The following SPTLC1 variants were observed in gnomAD, a reference collection of about 807,000 sequenced individuals.
The protein encoded by SPTLC1 is serine palmitoyltransferase 1.
Under a neutral mutation model 68.9 loss-of-function variants are expected in SPTLC1, and 55 were observed. That is an observed-to-expected ratio of 0.80 (90% CI 0.64 to 1.00). The LOEUF (loss-of-function observed/expected upper bound fraction) is 1.00, where lower values mean the gene tolerates loss of function less well. SPTLC1 is among the 50% of genes least tolerant of loss of function. SPTLC1 has a pLI of 0.00. For missense variants in SPTLC1, 449 were observed against 573.1 expected (o/e 0.78, Z 2.21); for synonymous variants, 197 against 201.6 (o/e 0.98, Z 0.19).
chr9:92,115,187 A>C, intron 1 of SPTLC1, 127 bp downstream of exon 1: 1 of 856,258 alleles, frequency 1.2e-6, no homozygotes, highest in Non-Finnish European at 1.9e-6. Context: ...TCCTTCCAGC[A>C]AGAGGCACCG....
intron 3 of SPTLC1, among the ~76,000 whole-genome samples, chr9:92,083,770 C>G (rs2118702115): frequency 6.6e-6 from 1 of 152,178 alleles, no homozygotes; most frequent in East Asian, 1.9e-4. Context: ...TTTTCCAATT[C>G]TGTGAAGAAA....
intron 13 of SPTLC1, 138 bp downstream of exon 13, chr9:92,038,110 C>A: frequency 1.3e-6 from 1 of 752,578 alleles, no homozygotes; most frequent in East Asian, 2.5e-5. Context: ...ATGTCAAGAG[C>A]GGGTCACCAG....
intron 3 of SPTLC1, among the ~76,000 whole-genome samples, chr9:92,100,645 G>A (rs1001948929): frequency 2.0e-5 from 3 of 151,922 alleles, no homozygotes; most frequent in African/African-American, 7.3e-5. Flanking sequence ...GTTTCCAGGG[G>A]AGTCCCATCT....
Position 92,105,351 on chromosome 9 carries a change from T to A in SPTLC1, c.260+3389A>T. ...CAGCAGGGCAACATGCGTAAGAACA[T>A]GAGGTTGTTAAGTAGAACATCAAAA... On this transcript the variant is annotated intron_variant, in intron 3 of 14. Coordinates refer to ENST00000262554, the MANE Select transcript of SPTLC1 (RefSeq NM_006415.4). 5.9e-6 allele frequency: 9 copies of A among 1,520,224 alleles called. No individual in the cohort carries two copies. In the South Asian group the frequency reaches 8.4e-5, roughly 14 times the overall value. 94.2% of individuals were successfully genotyped at this position (1,520,224 alleles called of 1,614,324 possible).
At chr9:92,095,011 A>G (rs1835481695) in intron 3 of SPTLC1, among the ~76,000 whole-genome samples, 1 of 152,254 alleles carries the variant, frequency 6.6e-6, no homozygotes, top group Admixed American at 6.5e-5. Flanking sequence ...GAAAAACAGT[A>G]TGTGTCTTAG....
In SPTLC1 at chr9:92,053,891, A is replaced by G. The variant is rs138507591; in HGVS notation, c.780+1514T>C. On this transcript the variant is annotated intron_variant, in intron 8 of 14. Coordinates refer to ENST00000262554, the MANE Select transcript of SPTLC1 (RefSeq NM_006415.4). The stretch of plus-strand genomic sequence containing the variant: ...TAAATGTCACTGTCCTGTACAATTT[A>G]AATTGGTTAATTTTGTGTTATGTGA... The G allele has an allele frequency of 3.1e-3, 2,713 of 876,068 alleles. 3 individuals carry two copies. Among genetic ancestry groups the G allele is most frequent in the Admixed American group, 4.1e-3 (67 of 16,164 alleles). 54.3% of individuals were successfully genotyped at this position (876,068 alleles called of 1,614,324 possible). A position where few individuals can be genotyped will look rare whatever the true frequency, so the allele number is the denominator to read the frequency against.
At chr9:92,111,135 A>T (rs899125617) in intron 2 of SPTLC1, 1 of 152,160 alleles carries the variant, frequency 6.6e-6, no homozygotes, top group Admixed American at 6.5e-5. Flanking sequence ...TATGGAAAAA[A>T]ACTCCGTATT....
intron 13 of SPTLC1, among the ~76,000 whole-genome samples, chr9:92,037,541 C>T (rs1330555212): frequency 6.6e-6 from 1 of 152,174 alleles, no homozygotes; most frequent in South Asian, 2.1e-4. Flanking sequence ...TATTCCGCTG[C>T]TCTTCCTCCC....
intron 3 of SPTLC1, among the ~76,000 whole-genome samples, chr9:92,088,488 C>T (rs1183782357): frequency 6.6e-6 from 1 of 152,166 alleles, no homozygotes; most frequent in Non-Finnish European, 1.5e-5. Context: ...CTCAAGGTTT[C>T]CTTAAGTTTC....
At chr9:92,045,309 T>TATA (rs1320414068) in intron 12 of SPTLC1, among the ~76,000 whole-genome samples, 2 of 150,062 alleles carry the variant, frequency 1.3e-5, no homozygotes, top group African/African-American at 4.9e-5. Context: ...TCACTTTATA[T>TATA]AAGACCAGAA....
chr9:92,104,243 G>C (rs1356712440), intron 3 of SPTLC1, among the ~76,000 whole-genome samples: 4 of 152,184 alleles, frequency 2.6e-5, no homozygotes, highest in African/African-American at 4.8e-5. Flanking sequence ...TTCCACCGCA[G>C]GTCCTGGCCA....
intron 2 of SPTLC1, chr9:92,111,417 C>A (rs924992769): frequency 2.0e-5 from 3 of 152,156 alleles, no homozygotes; most frequent in Admixed American, 2.0e-4. Context: ...AACTATTAAA[C>A]TTCTGATCTA....
At chr9:92,061,312 T>C (rs1475839237) in intron 6 of SPTLC1, among the ~76,000 whole-genome samples, 1 of 152,178 alleles carries the variant, frequency 6.6e-6, no homozygotes, top group Non-Finnish European at 1.5e-5. Flanking sequence ...AGATTTTTCA[T>C]CAGAAACCAG....
At chr9:92,091,553 A>G (rs537893453) in intron 3 of SPTLC1, among the ~76,000 whole-genome samples, 1 of 152,356 alleles carries the variant, frequency 6.6e-6, no homozygotes, top group Admixed American at 6.5e-5. Flanking sequence ...TTTTAAATAT[A>G]TATGTGCAAT....
At position 92,080,049 on chromosome 9, in the gene SPTLC1, TC is replaced by T; in HGVS notation, c.393del (p.Thr132LeufsTer25). 6.2e-7 allele frequency: 1 copy of T among 1,614,030 alleles called. No individual in the cohort carries two copies. Among genetic ancestry groups the T allele is most frequent in the Non-Finnish European group, 8.5e-7 (1 of 1,179,962 alleles). On this transcript the variant is annotated frameshift_variant, in exon 5 of 15. Coordinates refer to ENST00000262554, the MANE Select transcript of SPTLC1 (RefSeq NM_006415.4). LOFTEE classifies it high-confidence loss of function. ...CCATAAAATCCTCTGGGTCCACAAG[TC>T]CCCACGCCATACTTCTTTAGAGATG... ...ALASLKKYGV[G>X]TCGPRGFYGT...
intron 5 of SPTLC1, chr9:92,079,482 T>C (rs1834800563): frequency 3.7e-6 from 6 of 1,613,062 alleles, no homozygotes; most frequent in Middle Eastern, 1.7e-4. Flanking sequence ...TCACTGTATT[T>C]GAAATCATAC....
chr9:92,104,120 C>T (rs1169310200), intron 3 of SPTLC1, among the ~76,000 whole-genome samples: 4 of 152,220 alleles, frequency 2.6e-5, no homozygotes, highest in Non-Finnish European at 5.9e-5. Context: ...AGTGTGCACC[C>T]GGCCACAGAG....
rs376271947 is a variant in SPTLC1 at position 92,059,312 on chromosome 9, C to G, written c.561-4G>C. 1 of 1,612,926 alleles carries G rather than the reference C, an allele frequency of 6.2e-7. No homozygotes were observed. The highest frequency in any genetic ancestry group is 1.3e-5 in the African/African-American group (1 of 74,074). On this transcript the variant is annotated splice_polypyrimidine_tract_variant and splice_region_variant and intron_variant, in intron 6 of 14. Coordinates refer to ENST00000262554, the MANE Select transcript of SPTLC1 (RefSeq NM_006415.4). Reference sequence around the variant, plus strand: ...AGCAAAGCAGGCAGCTCTATCTCTGCAAGGAAAAGAGATCCACCAAATTGG... The same window carrying G: ...AGCAAAGCAGGCAGCTCTATCTCTGGAAGGAAAAGAGATCCACCAAATTGG...
Position 92,047,276 on chromosome 9 carries a change from G to C in SPTLC1, c.985-8C>G. On this transcript the variant is annotated splice_region_variant and splice_polypyrimidine_tract_variant and intron_variant, in intron 10 of 14. Coordinates refer to ENST00000262554, the MANE Select transcript of SPTLC1 (RefSeq NM_006415.4). ...TCCCTGGCCGGAAAGTCGCTGAGAA[G>C]AAACAAATGAAGACATATACACATT... 3 of 1,610,222 alleles carry C rather than the reference G, an allele frequency of 1.9e-6. No individual in the cohort carries two copies. The highest frequency in any genetic ancestry group is 2.5e-6 in the Non-Finnish European group (3 of 1,177,326).
Sources: allele counts gnomAD v4.1 joint callset (sites outside exome capture counted in the v4.1 genomes callset), GRCh38; gene constraint gnomAD v4.1.1; transcripts MANE v1.5; gene names NCBI Gene and HGNC (gene_info 2026-07-23, HGNC 2026-07-21).